Variants in ZMYM2 observed in about 807,000 individuals in gnomAD.
The protein encoded by ZMYM2 is zinc finger MYM-type containing 2, also known as zinc finger MYM-type protein 2.
In ZMYM2, 56 loss-of-function variants were observed where a neutral mutation model predicts 162.8. The ratio of observed to expected loss-of-function variants is 0.34; its 90% CI spans 0.28 to 0.43. ZMYM2 has a LOEUF of 0.43. Ranked by LOEUF, ZMYM2 falls within the 20% of genes least tolerant of loss-of-function variation. The pLI is 1.00. For missense variants in ZMYM2, 1,275 were observed against 1,621.8 expected (o/e 0.79, Z 3.67); for synonymous variants, 510 against 541.6 (o/e 0.94, Z 0.81).
the ZMYM2 span, among the ~76,000 whole-genome samples, chr13:19,938,025 C>A: frequency 6.6e-6 from 1 of 151,960 alleles, no homozygotes; most frequent in Non-Finnish European, 1.5e-5. Flanking sequence ...TGTATATGTG[C>A]CACATTTTCT....
rs555183872 is a variant in ZMYM2 at position 20,061,596 on chromosome 13, G to GT, written c.2911+383dup. Among the ~76,000 whole-genome samples the GT allele has an allele frequency of 1.7e-3, 239 of 143,672 alleles. No homozygotes were observed. The Middle Eastern group carries it at 0.017, about 11-fold the overall frequency. The allele number at this position is 143,672 out of a possible 152,430, so 94.3% of individuals were successfully genotyped here. On this transcript the variant is annotated intron_variant, in intron 17 of 24. Transcript: ENST00000610343. ...TATCCCTAGTTTTTTGTTTTGTTTT[G>GT]TTTTTTTTTTTAGATGAACTCTTGC...
intron 6 of ZMYM2, among the ~76,000 whole-genome samples, chr13:20,018,937 A>G (rs964859330): frequency 6.6e-6 from 1 of 152,024 alleles, no homozygotes; most frequent in Non-Finnish European, 1.5e-5. Context: ...AAAACTAGCC[A>G]GGCGTAGTGG....
At chr13:20,058,466 C>T in intron 14 of ZMYM2, 109 bp from the exon 15 acceptor site, 1 of 1,329,326 alleles carries the variant, frequency 7.5e-7, no homozygotes, top group South Asian at 1.5e-5. Flanking sequence ...TGGTTATCCT[C>T]TTCTGCTTTT....
intron 24 of ZMYM2, among the ~76,000 whole-genome samples, chr13:20,084,252 A>G (rs1298760459): frequency 6.6e-6 from 1 of 152,184 alleles, no homozygotes; most frequent in Non-Finnish European, 1.5e-5. Flanking sequence ...ACCTCAAGCC[A>G]TCCTCGTGCC....
At chr13:19,968,628 C>T (rs1211904100) in intron 2 of ZMYM2, among the ~76,000 whole-genome samples, 1 of 152,174 alleles carries the variant, frequency 6.6e-6, no homozygotes, top group Non-Finnish European at 1.5e-5. Context: ...TCTTACTATG[C>T]TTTTAACTTT....
the ZMYM2 span, among the ~76,000 whole-genome samples, chr13:19,882,328 C>CA: frequency 6.6e-6 from 1 of 152,068 alleles, no homozygotes; most frequent in Non-Finnish European, 1.5e-5. Flanking sequence ...AACTCAATGA[C>CA]AAAAAGGCAA....
chr13:20,048,556 G>A (rs1021867161), intron 12 of ZMYM2, among the ~76,000 whole-genome samples: 2 of 151,810 alleles, frequency 1.3e-5, no homozygotes, highest in Admixed American at 1.3e-4. Flanking sequence ...GTTCTCCCCT[G>A]GAAAATTAGG....
chr13:19,965,187 A>G (rs1324072892), intron 2 of ZMYM2: 2 of 1,219,952 alleles, frequency 1.6e-6, no homozygotes, highest in Non-Finnish European at 2.1e-6. Context: ...ATGTGACTAT[A>G]ATACAGTGAG....
chr13:19,948,904 A>G, the ZMYM2 span, among the ~76,000 whole-genome samples: 2 of 152,188 alleles, frequency 1.3e-5, no homozygotes, highest in Non-Finnish European at 2.9e-5. Context: ...GTTATTGGTC[A>G]TTTTCCCCCC....
intron 7 of ZMYM2, among the ~76,000 whole-genome samples, chr13:20,021,348 A>T: frequency 7.0e-6 from 1 of 143,730 alleles, no homozygotes; most frequent in African/African-American, 2.5e-5. Flanking sequence ...TCTTCTGGGT[A>T]ATGAGTCATG....
chr13:20,074,412 T>C (rs1957333976), intron 21 of ZMYM2, among the ~76,000 whole-genome samples: 1 of 152,072 alleles, frequency 6.6e-6, no homozygotes, highest in South Asian at 2.1e-4. Flanking sequence ...ACTTCTCTAT[T>C]TTTTGTAGAG....
At chr13:20,048,288 AT>A (rs66512740) in intron 12 of ZMYM2, among the ~76,000 whole-genome samples, 145,872 of 151,676 alleles carry the variant, frequency 0.96, 70,406 homozygotes, top group Non-Finnish European at 1. Context: ...AGCTATATCC[AT>A]TTTTTTTAAA....
chr13:20,023,674 A>T (rs1952313344), intron 7 of ZMYM2, among the ~76,000 whole-genome samples: 1 of 152,182 alleles, frequency 6.6e-6, no homozygotes, highest in Non-Finnish European at 1.5e-5. Context: ...GAATATTTTA[A>T]TTCTGAATTT....
chr13:19,866,022 T>TA, the ZMYM2 span, among the ~76,000 whole-genome samples: 3 of 147,208 alleles, frequency 2.0e-5, no homozygotes, highest in Non-Finnish European at 4.5e-5. Context: ...TTTTATCATT[T>TA]AAAAAATGTA....
At chr13:20,080,568 C>T (rs1566474697) in intron 21 of ZMYM2, among the ~76,000 whole-genome samples, 1 of 151,876 alleles carries the variant, frequency 6.6e-6, no homozygotes, top group Non-Finnish European at 1.5e-5. Context: ...TGGCTCACTG[C>T]AGCTTTGACC....
intron 2 of ZMYM2, among the ~76,000 whole-genome samples, chr13:19,981,164 C>G (rs993232061): frequency 6.6e-6 from 1 of 152,048 alleles, no homozygotes; most frequent in Non-Finnish European, 1.5e-5. Context: ...TCTAGCTTCT[C>G]AGGAGGCTGA....
At chr13:20,028,863 G>C (rs1230552725) in intron 9 of ZMYM2, among the ~76,000 whole-genome samples, 1 of 150,824 alleles carries the variant, frequency 6.6e-6, no homozygotes, top group Non-Finnish European at 1.5e-5. Flanking sequence ...TGGATATGTA[G>C]GACCGACTGT....
intron 13 of ZMYM2, among the ~76,000 whole-genome samples, chr13:20,051,973 C>T (rs1323558): frequency 0.83 from 126,422 of 151,944 alleles, 53,827 homozygotes; most frequent in Non-Finnish European, 0.92. Flanking sequence ...GAACAAAAAC[C>T]GTTTAGAAGC....
chr13:20,063,483 TAA>T (rs1756358043), intron 18 of ZMYM2, among the ~76,000 whole-genome samples: 1 of 151,492 alleles, frequency 6.6e-6, no homozygotes, highest in Admixed American at 6.6e-5. Flanking sequence ...CTTTTTAATT[TAA>T]AAATGTTGTT....
Sources: gnomAD v4.1 joint callset for allele counts (sites outside exome capture counted in the v4.1 genomes callset) on GRCh38, gnomAD v4.1.1 for gene constraint, MANE v1.5 for transcripts, NCBI Gene and HGNC (gene_info 2026-07-23, HGNC 2026-07-21) for gene names.